NALF1: variants seen among roughly 807,000 people sequenced by gnomAD.
The protein encoded by NALF1 is NALCN channel auxiliary factor 1.
NALF1 carries 3 observed loss-of-function variants against 48.4 expected under a neutral mutation model. The ratio of observed to expected loss-of-function variants is 0.06; its 90% CI spans 0.03 to 0.16. The LOEUF (loss-of-function observed/expected upper bound fraction) is 0.16. NALF1 is among the 10% of genes least tolerant of loss of function. The probability of loss-of-function intolerance (pLI) is 1.00; values close to 1 mark genes in which losing one functional copy is unlikely to be tolerated. For missense variants in NALF1, 526 were observed against 571.5 expected (o/e 0.92, Z 0.81); for synonymous variants, 262 against 245.7 (o/e 1.07, Z -0.62).
At chr13:107,480,289 G>T (rs1478930135) in intron 1 of NALF1, among the ~76,000 whole-genome samples, 1 of 152,150 alleles carries the variant, frequency 6.6e-6, no homozygotes, top group Non-Finnish European at 1.5e-5. Context: ...TGACTTCAGA[G>T]ACCCCTTTTA....
chr13:107,662,765 G>T (rs577023193), intron 1 of NALF1, among the ~76,000 whole-genome samples: 1 of 152,084 alleles, frequency 6.6e-6, no homozygotes, highest in Non-Finnish European at 1.5e-5. Flanking sequence ...ATTTTCTAAT[G>T]AAGAGATAAT....
chr13:107,586,635 A>ATTTTTTTTTTTTTT (rs61429641), intron 1 of NALF1, among the ~76,000 whole-genome samples: 24,131 of 91,666 alleles, frequency 0.26, 7,385 homozygotes, highest in African/African-American at 0.4. Flanking sequence ...CCCTATGGAG[A>ATTTTTTTTTTTTTT]TTTTTTTTTT....
At chr13:107,289,227 A>T (rs1881566461) in intron 1 of NALF1, among the ~76,000 whole-genome samples, 1 of 152,174 alleles carries the variant, frequency 6.6e-6, no homozygotes, top group African/African-American at 2.4e-5. Context: ...CAGTTCCATC[A>T]CATGAACACA....
chr13:107,623,249 G>C (rs534553173), intron 1 of NALF1, among the ~76,000 whole-genome samples: 7 of 152,252 alleles, frequency 4.6e-5, no homozygotes, highest in African/African-American at 1.7e-4. Context: ...ATCTTCTACT[G>C]TTTTAATGTC....
chr13:107,284,632 A>T (rs536236964), intron 1 of NALF1, among the ~76,000 whole-genome samples: 3 of 152,116 alleles, frequency 2.0e-5, no homozygotes, highest in Non-Finnish European at 4.4e-5. Context: ...GCATTCGGAG[A>T]TGGGGCTTGG....
chr13:107,428,595 A>C (rs1884321820), intron 1 of NALF1, among the ~76,000 whole-genome samples: 1 of 146,572 alleles, frequency 6.8e-6, no homozygotes. Flanking sequence ...GCAACAGAAC[A>C]ATAGGAAATG....
At chr13:107,669,672 T>A (rs1880945993) in intron 1 of NALF1, among the ~76,000 whole-genome samples, 1 of 152,138 alleles carries the variant, frequency 6.6e-6, no homozygotes, top group Admixed American at 6.6e-5. Context: ...ATATTTTTCT[T>A]CCTTATTTCA....
intron 1 of NALF1, among the ~76,000 whole-genome samples, chr13:107,258,055 G>C (rs1339495238): frequency 6.6e-6 from 1 of 152,148 alleles, no homozygotes; most frequent in African/African-American, 2.4e-5. Flanking sequence ...ATATTGAATG[G>C]GAGTAGCTTT....
chr13:107,567,673 CT>C (rs1877855673), intron 1 of NALF1, among the ~76,000 whole-genome samples: 1 of 152,202 alleles, frequency 6.6e-6, no homozygotes. Flanking sequence ...GTGTCTGTAG[CT>C]CTATGCAGTT....
chr13:107,450,716 T>A (rs1009015931), intron 1 of NALF1, among the ~76,000 whole-genome samples: 7 of 151,910 alleles, frequency 4.6e-5, no homozygotes, highest in African/African-American at 1.5e-4. Context: ...AATGGAGAAA[T>A]GAAGTGGGGC....
At chr13:107,253,314 G>A (rs1488266634) in intron 1 of NALF1, among the ~76,000 whole-genome samples, 1 of 151,964 alleles carries the variant, frequency 6.6e-6, no homozygotes, top group Non-Finnish European at 1.5e-5. Flanking sequence ...AAGCTAGATG[G>A]CCAGGAGGTC....
At chr13:107,634,213 G>A (rs958939474) in intron 1 of NALF1, among the ~76,000 whole-genome samples, 3 of 151,982 alleles carry the variant, frequency 2.0e-5, no homozygotes, top group Non-Finnish European at 4.4e-5. Context: ...AAAGATGGTG[G>A]GGAGGCAGTG....
chr13:107,595,719 T>C (rs892738584), intron 1 of NALF1, among the ~76,000 whole-genome samples: 2 of 152,172 alleles, frequency 1.3e-5, no homozygotes, highest in African/African-American at 4.8e-5. Context: ...GCATCATCTG[T>C]GACCATGAGT....
At chr13:107,634,298 G>C (rs982431781) in intron 1 of NALF1, among the ~76,000 whole-genome samples, 1 of 152,004 alleles carries the variant, frequency 6.6e-6, no homozygotes, top group Non-Finnish European at 1.5e-5. Flanking sequence ...GGGGTGATGA[G>C]AAATTACTTA....
At chr13:107,697,005 A>T (rs1881715309) in intron 1 of NALF1, among the ~76,000 whole-genome samples, 1 of 151,972 alleles carries the variant, frequency 6.6e-6, no homozygotes, top group South Asian at 2.1e-4. Flanking sequence ...ATTTTATTTT[A>T]TTCATATGGT....
chr13:107,791,503 T>C (rs1340296349), intron 1 of NALF1, among the ~76,000 whole-genome samples: 1 of 152,202 alleles, frequency 6.6e-6, no homozygotes, highest in Admixed American at 6.5e-5. Context: ...ATATTTTTAA[T>C]GCAGAAACCC....
Position 107,344,486 on chromosome 13 carries a change from C to T in NALF1, c.916-133731G>A, listed in dbSNP as rs76725696. 6.5e-3 allele frequency among the ~76,000 whole-genome samples: 983 copies of T among 152,282 alleles called. 5 individuals are homozygous for T. Among genetic ancestry groups the T allele is most frequent in the Middle Eastern group, 0.01 (3 of 294 alleles). ...AAAAGTACATTAAAAAGATTAGACA[C>T]TGTGACTAAGTTGGATTTATTTCTT... On this transcript the variant is annotated intron_variant, in intron 1 of 2. Coordinates refer to ENST00000375915, the MANE Select transcript of NALF1 (RefSeq NM_001080396.3).
chr13:107,316,154 T>G (rs1425309376), intron 1 of NALF1, among the ~76,000 whole-genome samples: 1 of 152,138 alleles, frequency 6.6e-6, no homozygotes, highest in Non-Finnish European at 1.5e-5. Flanking sequence ...AGTGTTTGGT[T>G]TTTTGACCTT....
intron 1 of NALF1, among the ~76,000 whole-genome samples, chr13:107,379,955 T>C (rs551292843): frequency 1.3e-5 from 2 of 152,178 alleles, no homozygotes; most frequent in Non-Finnish European, 2.9e-5. Context: ...CACAGTTGAG[T>C]AAATGCTCTC....
Sources: allele counts gnomAD v4.1 joint callset (sites outside exome capture counted in the v4.1 genomes callset), GRCh38; gene constraint gnomAD v4.1.1; transcripts MANE v1.5; gene names NCBI Gene and HGNC (gene_info 2026-07-23, HGNC 2026-07-21).